Variants in ADAMTS19 observed in about 807,000 individuals in gnomAD.
The protein encoded by ADAMTS19 is A disintegrin and metalloproteinase with thrombospondin motifs 19.
ADAMTS19 carries 93 observed loss-of-function variants against 153.3 expected under a neutral mutation model. The observed-to-expected ratio is 0.61, with a 90% CI of 0.51 to 0.72. The LOEUF (loss-of-function observed/expected upper bound fraction) is 0.72, where lower values mean the gene tolerates loss of function less well. Among genes scored for constraint, ADAMTS19 ranks in the 30% least tolerant of loss-of-function variants. ADAMTS19 has a pLI of 0.00. For missense variants in ADAMTS19, 1,482 were observed against 1,552.1 expected, an observed-to-expected ratio of 0.95 and a Z score of 0.76; for synonymous variants, 600 against 556.6, an observed-to-expected ratio of 1.08 and a Z score of -1.10.
intron 10 of ADAMTS19, among the ~76,000 whole-genome samples, chr5:129,634,466 A>G (rs1347273322): frequency 6.6e-6 from 1 of 152,088 alleles, no homozygotes; most frequent in East Asian, 1.9e-4. Flanking sequence ...AACAAGCCCA[A>G]ATAGCCAAGG....
chr5:129,610,130 A>G (rs985305349), intron 8 of ADAMTS19, among the ~76,000 whole-genome samples: 22 of 151,902 alleles, frequency 1.4e-4, no homozygotes, highest in Admixed American at 3.9e-4. Flanking sequence ...AAAATTAACC[A>G]GAAATACGAG....
intron 21 of ADAMTS19, among the ~76,000 whole-genome samples, chr5:129,705,641 G>C (rs1193208152): frequency 2.6e-5 from 4 of 152,184 alleles, no homozygotes; most frequent in Non-Finnish European, 5.9e-5. Context: ...ATTTTGACTG[G>C]TGAATCACAT....
At chr5:129,477,396 A>G (rs982644879) in intron 2 of ADAMTS19, among the ~76,000 whole-genome samples, 1 of 152,188 alleles carries the variant, frequency 6.6e-6, no homozygotes, top group African/African-American at 2.4e-5. Context: ...GAGATTACAC[A>G]ATTTGTGTGA....
intron 8 of ADAMTS19, among the ~76,000 whole-genome samples, chr5:129,600,797 A>G (rs1750609360): frequency 6.6e-6 from 1 of 152,176 alleles, no homozygotes; most frequent in Non-Finnish European, 1.5e-5. Context: ...AAATTATTTA[A>G]GCCAACATTT....
chr5:129,467,378 A>C (rs528698824), intron 2 of ADAMTS19, among the ~76,000 whole-genome samples: 1 of 152,210 alleles, frequency 6.6e-6, no homozygotes, highest in Non-Finnish European at 1.5e-5. Flanking sequence ...GGTTAGTTAG[A>C]TAGAGGTTAA....
intron 8 of ADAMTS19, among the ~76,000 whole-genome samples, chr5:129,599,774 C>T (rs6885580): frequency 0.51 from 77,655 of 151,876 alleles, 22,932 homozygotes; most frequent in Non-Finnish European, 0.66. Context: ...TCAAATGGTA[C>T]GAAAATATTA....
At chr5:129,580,384 G>C (rs1040405633) in intron 7 of ADAMTS19, among the ~76,000 whole-genome samples, 1 of 152,048 alleles carries the variant, frequency 6.6e-6, no homozygotes, top group Non-Finnish European at 1.5e-5. Flanking sequence ...TCTGCAAACA[G>C]ACAATTTGAC....
At chr5:129,478,733 G>A (rs1234370551) in intron 2 of ADAMTS19, among the ~76,000 whole-genome samples, 1 of 151,910 alleles carries the variant, frequency 6.6e-6, no homozygotes, top group Non-Finnish European at 1.5e-5. Flanking sequence ...GTACAGATGA[G>A]GGGTCTCTCT....
intron 13 of ADAMTS19, among the ~76,000 whole-genome samples, chr5:129,653,967 CAA>C (rs972333892): frequency 6.6e-6 from 1 of 151,558 alleles, no homozygotes; most frequent in East Asian, 1.9e-4. Flanking sequence ...GATATCATTT[CAA>C]AAAAAATATG....
chr5:129,723,811 T>A (rs1757099363), intron 21 of ADAMTS19, among the ~76,000 whole-genome samples: 1 of 152,200 alleles, frequency 6.6e-6, no homozygotes, highest in African/African-American at 2.4e-5. Flanking sequence ...GTAATCAGGC[T>A]ACAGCTTAGT....
intron 15 of ADAMTS19, among the ~76,000 whole-genome samples, chr5:129,661,435 T>C (rs1375601865): frequency 6.6e-6 from 1 of 152,194 alleles, no homozygotes; most frequent in African/African-American, 2.4e-5. Flanking sequence ...TTATTTCTCT[T>C]GAGACAATTT....
At chr5:129,478,878 A>C (rs1750317976) in intron 2 of ADAMTS19, among the ~76,000 whole-genome samples, 1 of 152,174 alleles carries the variant, frequency 6.6e-6, no homozygotes, top group Admixed American at 6.6e-5. Context: ...CACAAGAGGA[A>C]AATCAATGAA....
intron 6 of ADAMTS19, among the ~76,000 whole-genome samples, chr5:129,529,376 A>G (rs1752121725): frequency 6.6e-6 from 1 of 152,180 alleles, no homozygotes; most frequent in Admixed American, 6.6e-5. Flanking sequence ...CTGAAATGAA[A>G]TCATTGAAAT....
intron 7 of ADAMTS19, among the ~76,000 whole-genome samples, chr5:129,570,645 G>A (rs938107259): frequency 3.5e-5 from 5 of 144,112 alleles, no homozygotes; most frequent in Admixed American, 1.4e-4. Flanking sequence ...AAGAAAAAAC[G>A]TATACACCAA....
At chr5:129,665,750 T>A (rs1363614583) in intron 16 of ADAMTS19, among the ~76,000 whole-genome samples, 171 bp downstream of exon 16, 2 of 152,012 alleles carry the variant, frequency 1.3e-5, no homozygotes, top group African/African-American at 4.8e-5. Context: ...CCCAAGGACT[T>A]CCCAGGAGCA....
intron 2 of ADAMTS19, among the ~76,000 whole-genome samples, chr5:129,480,962 G>A (rs758745871): frequency 6.6e-6 from 1 of 152,086 alleles, no homozygotes; most frequent in Non-Finnish European, 1.5e-5. Context: ...AAGTGCACCA[G>A]GAACTCTAGG....
chr5:129,701,307 T>C (rs932090293), intron 19 of ADAMTS19, 81 bp from the exon 20 acceptor site: 2 of 1,499,732 alleles, frequency 1.3e-6, no homozygotes, highest in Non-Finnish European at 1.8e-6. Context: ...GGTATGTCTT[T>C]ATTAGCAGTG....
In ADAMTS19 at chr5:129,587,683, T is replaced by C. The variant is rs1180411869; in HGVS notation, c.1373-8876T>C. ...TGCCAATTTTAGAATATGGCAATTTTCTTGAAGGAGAATACTCTATGGCTT... is the reference window on the plus strand; with the variant it reads ...TGCCAATTTTAGAATATGGCAATTTCCTTGAAGGAGAATACTCTATGGCTT... On this transcript the variant is annotated intron_variant, in intron 7 of 22. Coordinates refer to ENST00000274487, the MANE Select transcript of ADAMTS19 (RefSeq NM_133638.6). 2.0e-5 allele frequency among the ~76,000 whole-genome samples: 3 copies of C among 152,312 alleles called. No homozygotes were observed. The South Asian group carries it at 6.2e-4, about 32-fold the overall frequency.
At chr5:129,584,294 G>A (rs1749674061) in intron 7 of ADAMTS19, among the ~76,000 whole-genome samples, 2 of 152,148 alleles carry the variant, frequency 1.3e-5, no homozygotes, top group Non-Finnish European at 2.9e-5. Flanking sequence ...ACACCCACCA[G>A]ATACCAGCCA....
Sources: gnomAD v4.1 joint callset for allele counts (sites outside exome capture counted in the v4.1 genomes callset) on GRCh38, gnomAD v4.1.1 for gene constraint, MANE v1.5 for transcripts, NCBI Gene and HGNC (gene_info 2026-07-23, HGNC 2026-07-21) for gene names.